The following TGFBR2 variants were observed in gnomAD, a reference collection of about 807,000 sequenced individuals.
TGFBR2 encodes transforming growth factor beta receptor 2.
TGFBR2 carries 18 observed loss-of-function variants against 49.0 expected under a neutral mutation model. That is an observed-to-expected ratio of 0.37 (90% CI 0.25 to 0.54). TGFBR2 has a LOEUF of 0.54. Among genes scored for constraint, TGFBR2 ranks in the 20% least tolerant of loss-of-function variants. The pLI is 0.85. For missense variants in TGFBR2, 525 were observed against 722.6 expected, an observed-to-expected ratio of 0.73 and a Z score of 3.13; for synonymous variants, 282 against 275.9, an observed-to-expected ratio of 1.02 and a Z score of -0.22.
rs773533577 is a variant in TGFBR2 at position 30,672,434 on chromosome 3, G to C, written c.1251G>C (p.Gly417=). Residue 417 remains glycine (G), a synonymous_variant, in exon 4 of 7, where the codon GGG becomes GGC. Coordinates refer to ENST00000295754, the MANE Select transcript of TGFBR2 (RefSeq NM_003242.6). This position sits in a 1 kb window ranked among gnomAD's most constrained non-coding sequence, Gnocchi z 4.5. ...CTGTGGATGACCTGGCTAACAGTGGGCAGGTAAGTTAGAGCTAGTGCTAGA... is the reference window on the plus strand; with the variant it reads ...CTGTGGATGACCTGGCTAACAGTGGCCAGGTAAGTTAGAGCTAGTGCTAGA... ...TLSVDDLANS[G]QVGTARYMAP... is the part of the protein sequence containing the mutation. 2.5e-6 allele frequency: 4 copies of C among 1,614,178 alleles called. No homozygotes were observed.
intron 3 of TGFBR2, among the ~76,000 whole-genome samples, chr3:30,670,086 T>C (rs890912457): frequency 9.9e-5 from 15 of 152,228 alleles, no homozygotes; most frequent in Admixed American, 8.5e-4. Flanking sequence ...ACCCATTTTT[T>C]TCCTTTCTAT....
intron 1 of TGFBR2, among the ~76,000 whole-genome samples, chr3:30,641,037 G>A (rs1301175035): frequency 1.3e-5 from 2 of 152,108 alleles, no homozygotes; most frequent in African/African-American, 2.4e-5. Flanking sequence ...GTCCCATACA[G>A]CAAATGACTG....
At chr3:30,688,236 T>C in intron 5 of TGFBR2, 148 bp from the exon 6 acceptor site, 2 of 988,344 alleles carry the variant, frequency 2.0e-6, no homozygotes, top group South Asian at 2.6e-5. Context: ...ATCTTAGCCA[T>C]TATTATTAAA....
Position 30,644,698 on chromosome 3 carries a change from G to A in TGFBR2, c.95-49G>A, listed in dbSNP as rs376259585. 5.7e-6 allele frequency: 9 copies of A among 1,570,432 alleles called. No individual in the cohort carries two copies. In the African/African-American group the frequency reaches 9.5e-5, roughly 17 times the overall value. On this transcript the variant is annotated intron_variant, in intron 1 of 6. Transcript: ENST00000295754. The stretch of plus-strand genomic sequence containing the variant: ...AACATCTTCAGGAATTCATTGGCAG[G>A]CTGCCTGGCAGTTGGATAATCATTT...
At chr3:30,607,951 T>G (rs563732843) in intron 1 of TGFBR2, among the ~76,000 whole-genome samples, 13 of 150,584 alleles carry the variant, frequency 8.6e-5, no homozygotes, top group Non-Finnish European at 1.6e-4. Context: ...GTTAGATTTT[T>G]TTTTTTTGGA....
chr3:30,620,317 T>C (rs1395965964), intron 1 of TGFBR2, among the ~76,000 whole-genome samples: 3 of 152,204 alleles, frequency 2.0e-5, no homozygotes, highest in Admixed American at 6.5e-5. Context: ...TTTGTTGCTG[T>C]TTGGAATTCA....
At chr3:30,610,710 A>G (rs914076645) in intron 1 of TGFBR2, among the ~76,000 whole-genome samples, 13 of 152,306 alleles carry the variant, frequency 8.5e-5, no homozygotes, top group African/African-American at 3.1e-4. Flanking sequence ...TAAATAAAAT[A>G]TTGTTTTAAA....
chr3:30,690,180 C>A (rs888086148), intron 6 of TGFBR2, among the ~76,000 whole-genome samples: 4 of 152,212 alleles, frequency 2.6e-5, no homozygotes, highest in Non-Finnish European at 5.9e-5. Flanking sequence ...TGAGGGATCC[C>A]ATTAGCAATG....
At chr3:30,642,301 G>C (rs1033684451) in intron 1 of TGFBR2, among the ~76,000 whole-genome samples, 1 of 151,908 alleles carries the variant, frequency 6.6e-6, no homozygotes, top group African/African-American at 2.4e-5. Context: ...TGTTTGTGGT[G>C]GTGGGGTGGG....
chr3:30,646,547 G>T (rs181447144), intron 2 of TGFBR2, among the ~76,000 whole-genome samples: 2 of 152,224 alleles, frequency 1.3e-5, no homozygotes, highest in East Asian at 3.9e-4. Flanking sequence ...GTAGAGGGAG[G>T]ATCCATAACA....
chr3:30,679,695 A>G (rs1699505815), intron 5 of TGFBR2, among the ~76,000 whole-genome samples: 1 of 152,228 alleles, frequency 6.6e-6, no homozygotes, highest in Non-Finnish European at 1.5e-5. Flanking sequence ...CCCATTTTAC[A>G]ATAAGAGAAC....
At chr3:30,682,477 T>G (rs77520756) in intron 5 of TGFBR2, among the ~76,000 whole-genome samples, 167 of 152,318 alleles carry the variant, frequency 1.1e-3, no homozygotes, top group Non-Finnish European at 1.8e-3. Context: ...GGTGTAACAT[T>G]TTCTCTGGAC....
Position 30,607,799 on chromosome 3 carries a change from A to AAAAAATAT in TGFBR2, c.94+823_94+824insAAAATATA, listed in dbSNP as rs1367214755. ...TTTAAGGAAAAAATAAAAATAAAAAAATATATATATATATTATATATATAT... is the reference window on the plus strand; with the variant it reads ...TTTAAGGAAAAAATAAAAATAAAAAAAAAAATATATATATATATATATTATATATATAT... On this transcript the variant is annotated intron_variant, in intron 1 of 6. Transcript: ENST00000295754. 5.5e-4 allele frequency among the ~76,000 whole-genome samples: 76 copies of AAAAAATAT among 138,308 alleles called. 1 individual carries two copies. Among genetic ancestry groups the AAAAAATAT allele is most frequent in the East Asian group, 2.1e-3 (10 of 4,822 alleles). 90.7% of individuals were successfully genotyped at this position (138,308 alleles called of 152,430 possible). A position where few individuals can be genotyped will look rare whatever the true frequency, so the allele number is the denominator to read the frequency against.
At position 30,650,279 on chromosome 3, in the gene TGFBR2, T is replaced by G. The variant is rs2125409820; in HGVS notation, c.273T>G (p.Asn91Lys). ...AATCTCTTCACTCTAGGAGAAAGAA[T>G]GACGAGAACATAACACTAGAGACAG... is the stretch of plus-strand genomic sequence containing the variant. ...QEVCVAVWRK[N>K]DENITLETVC... is the part of the protein sequence containing the mutation. Residue 91 changes from asparagine (N) to lysine (K), a missense_variant, in exon 3 of 7, where the codon AAT becomes AAG. Coordinates refer to ENST00000295754, the MANE Select transcript of TGFBR2 (RefSeq NM_003242.6). The G allele has an allele frequency of 6.2e-7, 1 of 1,613,956 alleles. No homozygotes were observed. The highest frequency in any genetic ancestry group is 8.5e-7 in the Non-Finnish European group (1 of 1,179,942).
rs189644680 is a variant in TGFBR2, at chr3:30,644,196, G to A, written c.95-551G>A. On this transcript the variant is annotated intron_variant, in intron 1 of 6. Coordinates refer to ENST00000295754, the MANE Select transcript of TGFBR2 (RefSeq NM_003242.6). ...TTCAGGAGTAGGTCAGGAAAATGGC[G>A]GCAAAATCTTGTGCCTCCAGCAACG... Among the ~76,000 whole-genome samples the A allele has an allele frequency of 6.7e-3, 1,021 of 152,194 alleles. 26 individuals carry two copies. Among genetic ancestry groups the A allele is most frequent in the Admixed American group, 0.057 (877 of 15,280 alleles).
At chr3:30,687,175 C>A (rs1699637329) in intron 5 of TGFBR2, among the ~76,000 whole-genome samples, 1 of 152,136 alleles carries the variant, frequency 6.6e-6, no homozygotes, top group South Asian at 2.1e-4. Context: ...AAGAATTTGA[C>A]CTTAGTTGAA....
At chr3:30,654,646 G>A (rs1168303456) in intron 3 of TGFBR2, among the ~76,000 whole-genome samples, 1 of 152,178 alleles carries the variant, frequency 6.6e-6, no homozygotes, top group East Asian at 1.9e-4. Context: ...GTTTGGATTG[G>A]TCATGATGGA....
chr3:30,655,339 C>A (rs1698975468), intron 3 of TGFBR2, among the ~76,000 whole-genome samples: 1 of 152,136 alleles, frequency 6.6e-6, no homozygotes, highest in Admixed American at 6.5e-5. Flanking sequence ...ACCTACATAT[C>A]ACACCACAAG....
chr3:30,649,144 G>A (rs1698831820), intron 2 of TGFBR2, among the ~76,000 whole-genome samples: 1 of 152,072 alleles, frequency 6.6e-6, no homozygotes, highest in Admixed American at 6.6e-5. Context: ...AAACTGACTG[G>A]ACCAGATTAG....
Sources: allele counts gnomAD v4.1 joint callset (sites outside exome capture counted in the v4.1 genomes callset), GRCh38; gene constraint gnomAD v4.1.1; non-coding constraint Gnocchi (gnomAD v3.1); transcripts MANE v1.5; gene names NCBI Gene and HGNC (gene_info 2026-07-23, HGNC 2026-07-21).